Variants in RPTOR observed in about 807,000 individuals in gnomAD.
RPTOR encodes regulatory-associated protein of mTOR.
RPTOR carries 21 observed loss-of-function variants against 169.9 expected under a neutral mutation model. The observed-to-expected ratio is 0.12, with a 90% CI of 0.09 to 0.18. RPTOR has a LOEUF of 0.18. RPTOR is among the 10% of genes least tolerant of loss of function. The probability of loss-of-function intolerance (pLI) is 1.00; values close to 1 mark genes in which losing one functional copy is unlikely to be tolerated. For missense variants in RPTOR, 1,133 were observed against 1,855.9 expected (o/e 0.61, Z 7.16); for synonymous variants, 732 against 753.2 (o/e 0.97, Z 0.46).
intron 4 of RPTOR, among the ~76,000 whole-genome samples, chr17:80,709,788 G>A (rs947078295): frequency 3.3e-5 from 5 of 152,106 alleles, no homozygotes; most frequent in Non-Finnish European, 5.9e-5. Flanking sequence ...GTGTCCGCCC[G>A]CCGGCTCCCT....
At chr17:80,868,106 T>A (rs934033340) in intron 13 of RPTOR, among the ~76,000 whole-genome samples, 1 of 152,060 alleles carries the variant, frequency 6.6e-6, no homozygotes, top group Non-Finnish European at 1.5e-5. Flanking sequence ...CCCATACATA[T>A]AAACACCTGC....
At chr17:80,843,979 C>A (rs1415461878) in intron 10 of RPTOR, among the ~76,000 whole-genome samples, 1 of 152,186 alleles carries the variant, frequency 6.6e-6, no homozygotes, top group Non-Finnish European at 1.5e-5. Context: ...GGCCGGGCAA[C>A]CCAGACGCTC....
intron 25 of RPTOR, 56 bp downstream of exon 25, chr17:80,940,657 G>A (rs938044477): frequency 4.8e-6 from 7 of 1,447,544 alleles, no homozygotes; most frequent in East Asian, 2.4e-5. Context: ...GGCCTGGGGC[G>A]AGGGTCCCCT....
chr17:80,775,200 T>A (rs2066882080), intron 6 of RPTOR, among the ~76,000 whole-genome samples: 2 of 152,226 alleles, frequency 1.3e-5, no homozygotes, highest in African/African-American at 4.8e-5. Flanking sequence ...ACTTCCTTCT[T>A]GTTTTCAGCC....
chr17:80,612,185 A>T (rs1195052564), intron 1 of RPTOR, among the ~76,000 whole-genome samples: 2 of 152,202 alleles, frequency 1.3e-5, no homozygotes, highest in Admixed American at 1.3e-4. Flanking sequence ...GCTAGAGTAC[A>T]ATGGTATCAT....
intron 9 of RPTOR, among the ~76,000 whole-genome samples, chr17:80,830,810 G>A (rs949853978): frequency 5.9e-5 from 9 of 151,828 alleles, no homozygotes; most frequent in African/African-American, 2.2e-4. Context: ...GAGTGCAGTG[G>A]TGTGATCTTG....
intron 3 of RPTOR, among the ~76,000 whole-genome samples, chr17:80,699,632 G>A (rs1490557351): frequency 1.8e-4 from 16 of 87,574 alleles, no homozygotes; most frequent in African/African-American, 5.1e-4. Context: ...TGCTGTGCAC[G>A]GTACCCTGGT....
At chr17:80,891,322 G>T (rs1021368013) in intron 17 of RPTOR, among the ~76,000 whole-genome samples, 2 of 152,280 alleles carry the variant, frequency 1.3e-5, no homozygotes, top group African/African-American at 4.8e-5. Flanking sequence ...AAGGCCGCCA[G>T]CCATCGGGTG....
At chr17:80,626,554 C>T (rs974603435) in intron 2 of RPTOR, among the ~76,000 whole-genome samples, 2 of 151,934 alleles carry the variant, frequency 1.3e-5, no homozygotes, top group African/African-American at 2.4e-5. Flanking sequence ...GTGTGTCAGA[C>T]GCCACTGGAA....
At chr17:80,548,078 C>CTTTTTTTTTTTTTTTTTTTTTTTGTTT (rs55928458) in intron 1 of RPTOR, among the ~76,000 whole-genome samples, 1 of 102,782 alleles carries the variant, frequency 9.7e-6, no homozygotes, top group Non-Finnish European at 2.0e-5. Flanking sequence ...TTTTCTGTTT[C>CTTTTTTTTTTTTTTTTTTTTTTTGTTT]TTTTTTTTTT....
intron 6 of RPTOR, among the ~76,000 whole-genome samples, chr17:80,757,883 T>G (rs2066696807): frequency 6.6e-6 from 1 of 152,016 alleles, no homozygotes; most frequent in Non-Finnish European, 1.5e-5. Flanking sequence ...CCTCTCACCT[T>G]TATGAGTGTT....
At chr17:80,592,641 TC>T (rs1321323688) in intron 1 of RPTOR, among the ~76,000 whole-genome samples, 1 of 152,194 alleles carries the variant, frequency 6.6e-6, no homozygotes, top group African/African-American at 2.4e-5. Flanking sequence ...TTGTTTAGTG[TC>T]CTAACAGAAT....
chr17:80,565,618 TGGGAGGCGGA>T (rs891414958), intron 1 of RPTOR, among the ~76,000 whole-genome samples: 17 of 150,568 alleles, frequency 1.1e-4, no homozygotes, highest in Admixed American at 2.0e-4. Context: ...GCCCCAGGGC[TGGGAGGCGGA>T]GGGAGGCGTG....
intron 28 of RPTOR, among the ~76,000 whole-genome samples, chr17:80,951,773 G>T (rs551890717): frequency 7.4e-4 from 113 of 152,338 alleles, no homozygotes; most frequent in Non-Finnish European, 1.2e-3. Flanking sequence ...CAGAGCCTCT[G>T]GTTCAGATGG....
intron 2 of RPTOR, among the ~76,000 whole-genome samples, chr17:80,641,285 C>T (rs2065552155): frequency 6.6e-6 from 1 of 152,172 alleles, no homozygotes; most frequent in Admixed American, 6.5e-5. Flanking sequence ...TTAGATATTA[C>T]CTGGTTTTTA....
intron 13 of RPTOR, among the ~76,000 whole-genome samples, chr17:80,872,015 C>G (rs2068057457): frequency 6.6e-6 from 1 of 152,182 alleles, no homozygotes; most frequent in South Asian, 2.1e-4. Flanking sequence ...GTTCCCCCTG[C>G]TCATCTAACA....
chr17:80,894,060 T>C (rs183905887), intron 20 of RPTOR, among the ~76,000 whole-genome samples, 195 bp downstream of exon 20: 1 of 152,228 alleles, frequency 6.6e-6, no homozygotes, highest in East Asian at 1.9e-4. Context: ...ACATCACTGT[T>C]GTGTTGGGGT....
At chr17:80,667,445 C>T (rs560916424) in intron 3 of RPTOR, among the ~76,000 whole-genome samples, 1 of 152,314 alleles carries the variant, frequency 6.6e-6, no homozygotes, top group Non-Finnish European at 1.5e-5. Context: ...ACTTGATCGC[C>T]TTCCTTGCTG....
At chr17:80,797,320 G>A (rs921474884) in intron 7 of RPTOR, among the ~76,000 whole-genome samples, 5 of 151,886 alleles carry the variant, frequency 3.3e-5, no homozygotes, top group Non-Finnish European at 7.4e-5. Flanking sequence ...GGGTTGTTTG[G>A]TTTTTTTTGT....
Sources: gnomAD v4.1 joint callset for allele counts (sites outside exome capture counted in the v4.1 genomes callset) on GRCh38, gnomAD v4.1.1 for gene constraint, MANE v1.5 for transcripts, NCBI Gene and HGNC (gene_info 2026-07-23, HGNC 2026-07-21) for gene names.